The following TNNT2 variants were observed in gnomAD, a reference collection of about 807,000 sequenced individuals.
TNNT2 encodes troponin T2, cardiac type, also known as troponin T, cardiac muscle.
A neutral mutation model predicts 62.4 loss-of-function variants in TNNT2; 34 were observed. That is an observed-to-expected ratio of 0.54 (90% CI 0.41 to 0.72). TNNT2 has a LOEUF of 0.72. TNNT2 is among the 30% of genes least tolerant of loss of function. The pLI is 0.00. For missense variants in TNNT2, 275 were observed against 381.9 expected (o/e 0.72, Z 2.33); for synonymous variants, 123 against 127.2 (o/e 0.97, Z 0.22).
Position 201,359,170 on chromosome 1 carries a change from T to A in TNNT2, c.*40A>T. 1 of 1,595,982 alleles carries A rather than the reference T, an allele frequency of 6.3e-7. No homozygotes were observed. Among genetic ancestry groups the A allele is most frequent in the Non-Finnish European group, 8.5e-7 (1 of 1,172,544 alleles). On this transcript the variant is annotated 3_prime_UTR_variant, in exon 17 of 17. Transcript: ENST00000656932. ...TGGGGGAGTGCAGGCCGGAGGCAGG[T>A]GCGAGCGAGGAGCAGATCTTTGGTG...
At chr1:201,364,519 G>A (rs894097101) in intron 10 of TNNT2, 144 bp from the exon 11 acceptor site, 5 of 855,210 alleles carry the variant, frequency 5.8e-6, no homozygotes, top group African/African-American at 3.3e-5. Context: ...GGCCTCCAAG[G>A]GCCTCCACTT....
At chr1:201,367,292 T>A (rs1205853547) in intron 7 of TNNT2, 1 of 386,822 alleles carries the variant, frequency 2.6e-6, no homozygotes, top group Non-Finnish European at 4.9e-6. Context: ...CAGAAGCTGA[T>A]GACATGATTC....
intron 1 of TNNT2, among the ~76,000 whole-genome samples, chr1:201,376,090 A>T (rs1288052115): frequency 6.6e-6 from 1 of 152,156 alleles, no homozygotes; most frequent in African/African-American, 2.4e-5. Flanking sequence ...AAGGAACCAG[A>T]ATGTCCTGAA....
chr1:201,363,617 A>C (rs1263906778), intron 11 of TNNT2: 3 of 570,724 alleles, frequency 5.3e-6, no homozygotes, highest in Non-Finnish European at 9.5e-6. Context: ...CCTGATTCCC[A>C]AATGTGAGGT....
intron 12 of TNNT2, 200 bp downstream of exon 12, chr1:201,363,096 C>T (rs1658997340): frequency 2.0e-6 from 2 of 985,244 alleles, no homozygotes; most frequent in Admixed American, 6.1e-5. Flanking sequence ...CCCCCTACCC[C>T]AGCAAGCCCC....
intron 8 of TNNT2, chr1:201,366,390 G>A (rs1659667952): frequency 9.5e-7 from 1 of 1,056,196 alleles, no homozygotes; most frequent in Non-Finnish European, 1.1e-6. Context: ...CCACCTTCAG[G>A]TGGGCTTCAC....
intron 5 of TNNT2, 70 bp downstream of exon 5, chr1:201,369,746 C>T: frequency 6.2e-7 from 1 of 1,603,328 alleles, no homozygotes; most frequent in Non-Finnish European, 8.5e-7. Context: ...AGAACAGGGC[C>T]CCTGGACAAG....
intron 13 of TNNT2, 175 bp from the exon 14 acceptor site, chr1:201,362,197 T>A: frequency 1.6e-6 from 2 of 1,222,996 alleles, no homozygotes; most frequent in Non-Finnish European, 1.2e-6. Flanking sequence ...GAAACTGAGG[T>A]AGGGGCAAGA....
chr1:201,359,264 GA>G lies in TNNT2; in HGVS notation c.852-10del. On this transcript the variant is annotated splice_polypyrimidine_tract_variant and intron_variant, in intron 16 of 16. Transcript: ENST00000656932. ...TCCCGCGGGTCTTGGAGCTGCAGGG[GA>G]AGCAGGACGCAGTGACATGGAGACA... 6.2e-7 allele frequency: 1 copy of G among 1,610,372 alleles called. No homozygotes were observed. Among genetic ancestry groups the G allele is most frequent in the Non-Finnish European group, 8.5e-7 (1 of 1,178,876 alleles).
In TNNT2 at chr1:201,359,506, G is replaced by A. The variant is rs1367651456; in HGVS notation, c.851+117C>T. 7.9e-6 allele frequency: 9 copies of A among 1,142,102 alleles called. No homozygotes were observed. In the African/African-American group the frequency reaches 1.2e-4, roughly 16 times the overall value. The allele number at this position is 1,142,102 out of a possible 1,614,324, so 70.7% of individuals were successfully genotyped here. On this transcript the variant is annotated intron_variant, in intron 16 of 16. Transcript: ENST00000656932. ...AGCCAGAGAAGGAAACCTGTGGGCT[G>A]AAGCAGAGGAGGAAGGGCTGGGAGC... is the stretch of plus-strand genomic sequence containing the variant.
intron 2 of TNNT2, 44 bp from the exon 3 acceptor site, chr1:201,372,199 C>T (rs369999184): frequency 1.9e-6 from 3 of 1,613,652 alleles, no homozygotes; most frequent in East Asian, 4.5e-5. Context: ...CACACAAGCA[C>T]ATGCAAACAC....
Position 201,363,424 on chromosome 1 carries a change from G to T in TNNT2, c.490-18C>A. On this transcript the variant is annotated intron_variant, in intron 11 of 16. Coordinates refer to ENST00000656932, the MANE Select transcript of TNNT2 (RefSeq NM_001276345.2). ...CTCTCTTCCTGATTTACAGCAGGGA[G>T]GAAGAAAGCAAATTAGGGGAAAGGA... is the stretch of plus-strand genomic sequence containing the variant. 1 of 1,611,626 alleles carries T rather than the reference G, an allele frequency of 6.2e-7. No individual in the cohort carries two copies. Among genetic ancestry groups the T allele is most frequent in the Admixed American group, 1.7e-5 (1 of 60,020 alleles).
At chr1:201,365,819 A>G in intron 8 of TNNT2, 149 bp from the exon 9 acceptor site, 1 of 1,531,140 alleles carries the variant, frequency 6.5e-7, no homozygotes, top group Non-Finnish European at 8.8e-7. Context: ...TGACGTCAAC[A>G]ATGGCAGTCC....
intron 15 of TNNT2, chr1:201,360,801 G>T (rs371105006): frequency 5.8e-4 from 121 of 209,434 alleles, no homozygotes; most frequent in African/African-American, 2.5e-3. Flanking sequence ...TTCCTTGCCT[G>T]GTGTCTGTTC....
In TNNT2 at chr1:201,367,758, C is replaced by A; in HGVS notation, c.199+13G>T. ...CCTTTGCCTCCCTTGTACCTCTCTC[C>A]TGATATCCTTACCTTCAGCCTCCTT... On this transcript the variant is annotated intron_variant, in intron 7 of 16. Transcript: ENST00000656932. The A allele has an allele frequency of 6.2e-7, 1 of 1,614,178 alleles. No individual in the cohort carries two copies. Among genetic ancestry groups the A allele is most frequent in the Non-Finnish European group, 8.5e-7 (1 of 1,180,020 alleles).
chr1:201,361,246 G>A, intron 15 of TNNT2, 33 bp downstream of exon 15: 2 of 1,604,076 alleles, frequency 1.2e-6, no homozygotes, highest in Middle Eastern at 3.3e-4. Flanking sequence ...GTGTGAGATG[G>A]AGATGCTGGG....
At position 201,359,261 on chromosome 1, in the gene TNNT2, G is replaced by C; in HGVS notation, c.852-6C>G. 6.2e-7 allele frequency: 1 copy of C among 1,610,634 alleles called. No individual in the cohort carries two copies. The highest frequency in any genetic ancestry group is 8.5e-7 in the Non-Finnish European group (1 of 1,178,974). On this transcript the variant is annotated splice_polypyrimidine_tract_variant and splice_region_variant and intron_variant, in intron 16 of 16. Coordinates refer to ENST00000656932, the MANE Select transcript of TNNT2 (RefSeq NM_001276345.2). ...CCTTCCCGCGGGTCTTGGAGCTGCA[G>C]GGGAAGCAGGACGCAGTGACATGGA...
intron 15 of TNNT2, among the ~76,000 whole-genome samples, chr1:201,360,157 C>CA (rs890768388): frequency 1.3e-4 from 20 of 151,816 alleles, no homozygotes; most frequent in Admixed American, 1.3e-4. Context: ...AGTGTGGAAC[C>CA]AAAAAAAGAG....
intron 2 of TNNT2, 82 bp downstream of exon 2, chr1:201,373,132 G>A (rs1660901045): frequency 7.2e-7 from 1 of 1,395,622 alleles, no homozygotes. Flanking sequence ...GAATCCGAGG[G>A]ACAGCTGGGA....
Sources: gnomAD v4.1 joint callset for allele counts (sites outside exome capture counted in the v4.1 genomes callset) on GRCh38, gnomAD v4.1.1 for gene constraint, MANE v1.5 for transcripts, NCBI Gene and HGNC (gene_info 2026-07-23, HGNC 2026-07-21) for gene names.